The following NMT2 variants were observed in gnomAD, a reference collection of about 807,000 sequenced individuals.
NMT2 encodes glycylpeptide N-tetradecanoyltransferase 2.
A neutral mutation model predicts 65.4 loss-of-function variants in NMT2; 35 were observed. The observed-to-expected ratio is 0.54, with a 90% CI of 0.41 to 0.71. The LOEUF (loss-of-function observed/expected upper bound fraction) is 0.71. NMT2 is among the 30% of genes least tolerant of loss of function. The pLI is 0.00. For missense variants in NMT2, 489 were observed against 611.3 expected (o/e 0.80, Z 2.11); for synonymous variants, 226 against 231.8 (o/e 0.98, Z 0.23).
intron 1 of NMT2, among the ~76,000 whole-genome samples, chr10:15,165,976 A>G (rs1833366113): frequency 6.6e-6 from 1 of 152,174 alleles, no homozygotes; most frequent in African/African-American, 2.4e-5. Flanking sequence ...TTAATTAAAC[A>G]TAAAACATCT....
Position 15,108,414 on chromosome 10 carries a change from T to A in NMT2, c.*781A>T, listed in dbSNP as rs1490634804. On this transcript the variant is annotated 3_prime_UTR_variant, in exon 12 of 12. Transcript: ENST00000378165. ...GTTGGCCAGAATGGTCTCGATCTCC[T>A]GACCTCATGATCTGCCCACCTTGGC... is the stretch of plus-strand genomic sequence containing the variant. 1 of 673,656 alleles carries A rather than the reference T, an allele frequency of 1.5e-6. No individual in the cohort carries two copies. The highest frequency in any genetic ancestry group is 1.8e-6 in the Non-Finnish European group (1 of 545,856). The allele number at this position is 673,656 out of a possible 1,614,324, so 41.7% of individuals were successfully genotyped here.
chr10:15,106,685 G>A lies in NMT2; in HGVS notation c.*2510C>T. 6 of 984,456 alleles carry A rather than the reference G, an allele frequency of 6.1e-6. No individual in the cohort carries two copies. Among genetic ancestry groups the A allele is most frequent in the Non-Finnish European group, 7.2e-6 (6 of 829,080 alleles). The allele number at this position is 984,456 out of a possible 1,614,324, so 61.0% of individuals were successfully genotyped here. A position where few individuals can be genotyped will look rare whatever the true frequency, so the allele number is the denominator to read the frequency against. Reference sequence around the variant, plus strand: ...GTTCCAACTCCTTCGTAGTGACCAAGGTCAACAAACTTTCTGTAAAAGACC... The same window carrying A: ...GTTCCAACTCCTTCGTAGTGACCAAAGTCAACAAACTTTCTGTAAAAGACC... On this transcript the variant is annotated 3_prime_UTR_variant, in exon 12 of 12. Coordinates refer to ENST00000378165, the MANE Select transcript of NMT2 (RefSeq NM_004808.3).
Position 15,112,982 on chromosome 10 carries a change from TCAGA to T in NMT2, c.1171-23_1171-20del, listed in dbSNP as rs1441275275. On this transcript the variant is annotated intron_variant, in intron 9 of 11. Coordinates refer to ENST00000378165, the MANE Select transcript of NMT2 (RefSeq NM_004808.3). ...TGGGGCTCTAGGAGCAAAAGTGCTG[TCAGA>T]CAGAGATCTCCTTGAACCAACTGCA... 3 of 1,613,072 alleles carry T rather than the reference TCAGA, an allele frequency of 1.9e-6. No homozygotes were observed. The African/African-American group carries it at 4.0e-5, about 22-fold the overall frequency.
intron 9 of NMT2, among the ~76,000 whole-genome samples, chr10:15,118,255 G>A (rs367568237): frequency 6.6e-6 from 1 of 152,076 alleles, no homozygotes; most frequent in Non-Finnish European, 1.5e-5. Flanking sequence ...AACCTTTCAC[G>A]GGCTGGGCAC....
intron 1 of NMT2, among the ~76,000 whole-genome samples, chr10:15,153,844 G>A (rs531713412): frequency 5.1e-4 from 77 of 151,732 alleles, no homozygotes; most frequent in Non-Finnish European, 8.2e-4. Context: ...TAGTAGAGAC[G>A]GGGTTTCACT....
At chr10:15,165,350 TA>T (rs1423944778) in intron 1 of NMT2, among the ~76,000 whole-genome samples, 1 of 152,208 alleles carries the variant, frequency 6.6e-6, no homozygotes, top group Non-Finnish European at 1.5e-5. Flanking sequence ...ACCTACTCCC[TA>T]ATTCTAATTG....
intron 1 of NMT2, among the ~76,000 whole-genome samples, chr10:15,165,947 A>T (rs557449079): frequency 6.6e-6 from 1 of 152,272 alleles, no homozygotes; most frequent in African/African-American, 2.4e-5. Context: ...AGTATTTTAT[A>T]ATACTTACGC....
intron 11 of NMT2, 139 bp downstream of exon 11, chr10:15,109,563 T>G: frequency 1.4e-6 from 1 of 701,058 alleles, no homozygotes; most frequent in South Asian, 4.0e-5. Flanking sequence ...AGAGCGAGAC[T>G]TCATCTCAAA....
intron 1 of NMT2, among the ~76,000 whole-genome samples, chr10:15,150,585 C>G (rs1832768908): frequency 6.6e-6 from 1 of 152,070 alleles, no homozygotes; most frequent in African/African-American, 2.4e-5. Context: ...ATCTACAAAG[C>G]AACATCGTCT....
chr10:15,120,007 C>T (rs1305672969), intron 8 of NMT2, among the ~76,000 whole-genome samples: 5 of 152,218 alleles, frequency 3.3e-5, no homozygotes, highest in Admixed American at 6.5e-5. Flanking sequence ...CAACCTTAGA[C>T]GAAAAATATT....
At chr10:15,115,367 A>C (rs894576282) in intron 9 of NMT2, among the ~76,000 whole-genome samples, 2 of 152,242 alleles carry the variant, frequency 1.3e-5, no homozygotes, top group African/African-American at 4.8e-5. Context: ...AGGTGACTCA[A>C]AGTAATAAAT....
intron 2 of NMT2, among the ~76,000 whole-genome samples, chr10:15,140,691 C>G (rs777527597): frequency 6.6e-6 from 1 of 152,006 alleles, no homozygotes; most frequent in Non-Finnish European, 1.5e-5. Context: ...CTGGTTCTAC[C>G]CTTTTCACTG....
intron 1 of NMT2, among the ~76,000 whole-genome samples, chr10:15,150,630 A>G (rs1044988025): frequency 1.3e-5 from 2 of 152,072 alleles, no homozygotes; most frequent in Non-Finnish European, 2.9e-5. Context: ...CAAGCCCTAG[A>G]AGGCTCAGAG....
intron 1 of NMT2, among the ~76,000 whole-genome samples, chr10:15,167,168 C>T (rs938481160): frequency 6.9e-5 from 9 of 129,818 alleles, no homozygotes; most frequent in Admixed American, 1.4e-4. Flanking sequence ...TATGCAATTT[C>T]CTTTCCTCTC....
chr10:15,145,896 C>T (rs770039317), intron 1 of NMT2, among the ~76,000 whole-genome samples: 15 of 152,086 alleles, frequency 9.9e-5, no homozygotes, highest in Non-Finnish European at 1.8e-4. Context: ...GAGATGCCCC[C>T]GTGCCTGGGT....
intron 1 of NMT2, among the ~76,000 whole-genome samples, chr10:15,150,654 C>A (rs1332759142): frequency 6.6e-6 from 1 of 151,986 alleles, no homozygotes; most frequent in Admixed American, 6.6e-5. Context: ...AGAGCCGTCC[C>A]AAAAGTGTAT....
intron 1 of NMT2, among the ~76,000 whole-genome samples, chr10:15,142,252 A>T (rs1481546865): frequency 6.6e-6 from 1 of 152,228 alleles, no homozygotes; most frequent in Non-Finnish European, 1.5e-5. Context: ...ATAGTGAGAG[A>T]AACTGTTTAA....
In NMT2 at chr10:15,108,469, G is replaced by A. The variant is rs959037781; in HGVS notation, c.*726C>T. On this transcript the variant is annotated 3_prime_UTR_variant, in exon 12 of 12. Coordinates refer to ENST00000378165, the MANE Select transcript of NMT2 (RefSeq NM_004808.3). Reference sequence around the variant, plus strand: ...CAAAGTGCTGGGATTACAGGCGTGAGCCACCACGCCCGGCCTCAGGCTCTT... The same window carrying A: ...CAAAGTGCTGGGATTACAGGCGTGAACCACCACGCCCGGCCTCAGGCTCTT... 10 of 979,912 alleles carry A rather than the reference G, an allele frequency of 1.0e-5. No homozygotes were observed. The highest frequency in any genetic ancestry group is 9.4e-5 in the South Asian group (2 of 21,200). The allele number at this position is 979,912 out of a possible 1,614,324, so 60.7% of individuals were successfully genotyped here.
At position 15,105,824 on chromosome 10, in the gene NMT2, G is replaced by A. The variant is rs915080697; in HGVS notation, c.*3371C>T. 3.9e-5 allele frequency among the ~76,000 whole-genome samples: 6 copies of A among 152,108 alleles called. No homozygotes were observed. Among genetic ancestry groups the A allele is most frequent in the African/African-American group, 7.2e-5 (3 of 41,416 alleles). ...TTCATAAGCAAGCAGTTTAATTCTCGAAAATGTTAATTAGTAATCTGCTTC... is the reference window on the plus strand; with the variant it reads ...TTCATAAGCAAGCAGTTTAATTCTCAAAAATGTTAATTAGTAATCTGCTTC... On this transcript the variant is annotated 3_prime_UTR_variant, in exon 12 of 12. Transcript: ENST00000378165.
Sources: gnomAD v4.1 joint callset for allele counts (sites outside exome capture counted in the v4.1 genomes callset) on GRCh38, gnomAD v4.1.1 for gene constraint, MANE v1.5 for transcripts, NCBI Gene and HGNC (gene_info 2026-07-23, HGNC 2026-07-21) for gene names.